MYO18B: variants seen among roughly 807,000 people sequenced by gnomAD.
MYO18B encodes the protein unconventional myosin-XVIIIb.
MYO18B carries 204 observed loss-of-function variants against 273.0 expected under a neutral mutation model. The observed-to-expected ratio is 0.75, with a 90% CI of 0.67 to 0.84. The LOEUF is 0.84. Among genes scored for constraint, MYO18B ranks in the 40% least tolerant of loss-of-function variants. MYO18B has a pLI of 0.00. For missense variants in MYO18B, 3,212 were observed against 3,287.6 expected (o/e 0.98, Z 0.56); for synonymous variants, 1,330 against 1,305.7 (o/e 1.02, Z -0.40).
chr22:25,947,921 G>A (rs2092734061), intron 36 of MYO18B, 93 bp downstream of exon 36: 1 of 877,886 alleles, frequency 1.1e-6, no homozygotes, highest in Middle Eastern at 2.3e-4. Flanking sequence ...ACTACTCCCT[G>A]GTCTTAACAT....
At chr22:26,012,670 C>T (rs964909410) in intron 42 of MYO18B, among the ~76,000 whole-genome samples, 21 of 152,194 alleles carry the variant, frequency 1.4e-4, no homozygotes, top group Admixed American at 8.5e-4. Flanking sequence ...CTGTCTAGAA[C>T]TCGAGGTCTT....
At chr22:25,992,226 T>C in intron 39 of MYO18B, 137 bp from the exon 40 acceptor site, 1 of 997,370 alleles carries the variant, frequency 1.0e-6, no homozygotes, top group Non-Finnish European at 1.5e-6. Flanking sequence ...AGAGAGAGCC[T>C]CTCACGGAGA....
At chr22:25,992,186 C>G (rs1051255929) in intron 39 of MYO18B, among the ~76,000 whole-genome samples, 177 bp from the exon 40 acceptor site, 2 of 152,182 alleles carry the variant, frequency 1.3e-5, no homozygotes, top group Non-Finnish European at 2.9e-5. Flanking sequence ...ACTTGGAACA[C>G]CTGGTTGAGG....
rs1450154831 is a variant in MYO18B, at chr22:25,768,030, G to A, written c.199-85G>A. Reference sequence around the variant, plus strand: ...AAGGATGAATGGAGAAGTGAACAATGAAATGAATGAACGAACACGAGTGAA... The same window carrying A: ...AAGGATGAATGGAGAAGTGAACAATAAAATGAATGAACGAACACGAGTGAA... On this transcript the variant is annotated intron_variant, in intron 3 of 43. Coordinates refer to ENST00000335473, the MANE Select transcript of MYO18B (RefSeq NM_032608.7). 10 of 1,235,204 alleles carry A rather than the reference G, an allele frequency of 8.1e-6. No individual in the cohort carries two copies. The African/African-American group carries it at 1.3e-4, about 17-fold the overall frequency. The allele number at this position is 1,235,204 out of a possible 1,614,324, so 76.5% of individuals were successfully genotyped here.
intron 14 of MYO18B, among the ~76,000 whole-genome samples, chr22:25,827,449 C>T (rs1207652827): frequency 3.9e-5 from 6 of 152,182 alleles, no homozygotes; most frequent in Admixed American, 6.5e-5. Flanking sequence ...TGTTTTCCAT[C>T]GTTACGCACA....
intron 11 of MYO18B, among the ~76,000 whole-genome samples, chr22:25,790,844 G>C (rs575023871): frequency 6.6e-6 from 1 of 152,240 alleles, no homozygotes; most frequent in South Asian, 2.1e-4. Context: ...GGGAATCTCT[G>C]AGGACCCAGA....
chr22:25,948,412 T>G (rs1376164074), intron 36 of MYO18B, among the ~76,000 whole-genome samples: 3 of 17,902 alleles, frequency 1.7e-4, no homozygotes, highest in Non-Finnish European at 3.6e-4. Flanking sequence ...CTGTCTTTCC[T>G]TCCTTCCTTC....
At chr22:26,063,319 C>T in the MYO18B span, among the ~76,000 whole-genome samples, 33 of 152,150 alleles carry the variant, frequency 2.2e-4, no homozygotes, top group African/African-American at 7.0e-4. Flanking sequence ...GAACCCGATG[C>T]GTGAAGAGAA....
chr22:25,800,947 A>G (rs1452361785), intron 12 of MYO18B, among the ~76,000 whole-genome samples: 1 of 152,250 alleles, frequency 6.6e-6, no homozygotes, highest in African/African-American at 2.4e-5. Context: ...AATTATTTTA[A>G]GAAGAGCTGC....
chr22:25,945,706 CCCCTCG>C (rs2092696815), intron 34 of MYO18B, among the ~76,000 whole-genome samples: 9 of 97,314 alleles, frequency 9.2e-5, no homozygotes, highest in Admixed American at 1.9e-4. Context: ...CCTCCCCTCT[CCCCTCG>C]CCTCCCCTCC....
intron 20 of MYO18B, among the ~76,000 whole-genome samples, chr22:25,850,026 T>C (rs1478487433): frequency 1.3e-5 from 2 of 152,168 alleles, no homozygotes; most frequent in African/African-American, 4.8e-5. Context: ...TGAATGCAGA[T>C]AGGTGTGCCC....
chr22:25,776,470 C>T (rs577662198), intron 7 of MYO18B, among the ~76,000 whole-genome samples: 201 of 152,254 alleles, frequency 1.3e-3, no homozygotes, highest in African/African-American at 4.4e-3. Context: ...TGGTGGTGCA[C>T]GCCTTAATCC....
chr22:25,746,385 A>G (rs558283455), intron 1 of MYO18B, among the ~76,000 whole-genome samples: 19 of 152,290 alleles, frequency 1.2e-4, no homozygotes, highest in African/African-American at 4.6e-4. Flanking sequence ...CCCATTTGTC[A>G]TGATTCTTCC....
intron 1 of MYO18B, among the ~76,000 whole-genome samples, chr22:25,748,090 T>C (rs1386260328): frequency 1.3e-5 from 2 of 152,198 alleles, no homozygotes; most frequent in Non-Finnish European, 2.9e-5. Context: ...AGCATTGTTC[T>C]GAAGAAACTA....
intron 36 of MYO18B, among the ~76,000 whole-genome samples, chr22:25,949,480 C>T (rs995168835): frequency 5.9e-5 from 9 of 152,188 alleles, no homozygotes; most frequent in African/African-American, 2.2e-4. Context: ...ATAATGACTG[C>T]ATAATGGGGA....
intron 13 of MYO18B, among the ~76,000 whole-genome samples, chr22:25,825,033 T>G (rs1356064429): frequency 6.6e-6 from 1 of 151,896 alleles, no homozygotes; most frequent in African/African-American, 2.4e-5. Context: ...ATATAACACA[T>G]GCACATACCA....
At chr22:26,005,540 C>G (rs528116498) in intron 42 of MYO18B, among the ~76,000 whole-genome samples, 6 of 152,316 alleles carry the variant, frequency 3.9e-5, no homozygotes, top group Non-Finnish European at 8.8e-5. Flanking sequence ...CATCTTCCTT[C>G]TTGCTTTTCA....
At chr22:26,017,063 TCC>T (rs1935400442) in intron 42 of MYO18B, among the ~76,000 whole-genome samples, 1 of 84,258 alleles carries the variant, frequency 1.2e-5, no homozygotes, top group Admixed American at 1.3e-4. Flanking sequence ...CTTCCTTCCT[TCC>T]TTCCTTCCTC....
chr22:25,934,567 G>A (rs115997542), intron 34 of MYO18B, among the ~76,000 whole-genome samples: 1 of 152,140 alleles, frequency 6.6e-6, no homozygotes, highest in South Asian at 2.1e-4. Flanking sequence ...GCCCAAGGTG[G>A]TCGGGGCACA....
Sources: allele counts gnomAD v4.1 joint callset (sites outside exome capture counted in the v4.1 genomes callset), GRCh38; gene constraint gnomAD v4.1.1; transcripts MANE v1.5; gene names NCBI Gene and HGNC (gene_info 2026-07-23, HGNC 2026-07-21).